Variants in SEMA5A observed in about 807,000 individuals in gnomAD.
SEMA5A encodes semaphorin-5A.
Under a neutral mutation model 135.5 loss-of-function variants are expected in SEMA5A, and 55 were observed. That is an observed-to-expected ratio of 0.41 (90% CI 0.33 to 0.51). The LOEUF (loss-of-function observed/expected upper bound fraction) is 0.51, where lower values mean the gene tolerates loss of function less well. SEMA5A is among the 20% of genes least tolerant of loss of function. SEMA5A has a pLI of 0.37. For synonymous variants in SEMA5A, 580 were observed against 546.5 expected (o/e 1.06, Z -0.85); for missense variants, 1,290 against 1,419.9 (o/e 0.91, Z 1.47).
chr5:9,280,176 G>C (rs948998413), intron 5 of SEMA5A, among the ~76,000 whole-genome samples: 3 of 152,170 alleles, frequency 2.0e-5, no homozygotes, highest in Non-Finnish European at 4.4e-5. Flanking sequence ...TACACTGACA[G>C]ATCCAGGATC....
chr5:9,513,068 A>AATATATATATATAAT (rs1554044106), intron 1 of SEMA5A, among the ~76,000 whole-genome samples: 1 of 143,722 alleles, frequency 7.0e-6, no homozygotes, highest in Non-Finnish European at 1.5e-5. Flanking sequence ...ATATATATAT[A>AATATATATATATAAT]ATATATATAT....
chr5:9,050,514 AT>A lies in SEMA5A; in HGVS notation c.2846-58del, dbSNP rs1165533187. 40 of 1,406,282 alleles carry A rather than the reference AT, an allele frequency of 2.8e-5. No individual in the cohort carries two copies. The East Asian group carries it at 9.4e-4, about 33-fold the overall frequency. 87.1% of individuals were successfully genotyped at this position (1,406,282 alleles called of 1,614,324 possible). On this transcript the variant is annotated intron_variant, in intron 20 of 22. Transcript: ENST00000382496. ...AAAAGGTGTTCAGAAGACAGTCCAC[AT>A]TCATGCTTCATGTATGTTTGTCTAA... is the stretch of plus-strand genomic sequence containing the variant.
intron 21 of SEMA5A, among the ~76,000 whole-genome samples, chr5:9,048,038 G>A (rs577285567): frequency 6.6e-6 from 1 of 152,148 alleles, no homozygotes; most frequent in African/African-American, 2.4e-5. Context: ...GGCATCAGCT[G>A]TTTGAGCCTC....
intron 2 of SEMA5A, among the ~76,000 whole-genome samples, chr5:9,414,849 G>C (rs1456219369): frequency 6.6e-6 from 1 of 152,166 alleles, no homozygotes; most frequent in African/African-American, 2.4e-5. Context: ...ATGGGACCAA[G>C]AGCCCGTTAC....
intron 4 of SEMA5A, among the ~76,000 whole-genome samples, chr5:9,324,489 C>G (rs1375405432): frequency 6.6e-6 from 1 of 152,182 alleles, no homozygotes; most frequent in Non-Finnish European, 1.5e-5. Context: ...AATCTCTTTC[C>G]TTGAACTATT....
rs4701838 is a variant in SEMA5A at position 9,244,664 on chromosome 5, C to T, written c.271-6774G>A. Among the ~76,000 whole-genome samples, 952 of 152,326 alleles carry T rather than the reference C, an allele frequency of 6.2e-3. 9 individuals are homozygous for T. Among genetic ancestry groups the T allele is most frequent in the Middle Eastern group, 0.014 (4 of 294 alleles). ...CCTAGGACAGTGCCACATACACAAG[C>T]ACTCAATATCTAGCTGTTAAACAAA... On this transcript the variant is annotated intron_variant, in intron 5 of 22. Transcript: ENST00000382496.
rs772498548 is a variant in SEMA5A, at chr5:9,066,555, C to G, written c.2165G>C (p.Gly722Ala). Residue 722 changes from glycine to alanine, a missense_variant, in exon 17 of 23, where the codon GGC (glycine) becomes GCC (alanine). Physicochemically the swap from Gly to Ala is moderately conservative, Grantham distance 60. Transcript: ENST00000382496. ...TCGGAATCGTTGCTCATAGTGGCCG[C>G]CGTTGTCAGAGATGTTGACAGGTGT... is the stretch of plus-strand genomic sequence containing the variant. ...PWTPVNISDN[G>A]GHYEQRFRYT... The G allele has an allele frequency of 6.2e-7, 1 of 1,614,176 alleles. No individual in the cohort carries two copies. The highest frequency in any genetic ancestry group is 1.7e-5 in the Admixed American group (1 of 60,020).
At chr5:9,522,683 G>T (rs563829102) in intron 1 of SEMA5A, 8 of 152,318 alleles carry the variant, frequency 5.3e-5, no homozygotes, top group African/African-American at 1.7e-4. Context: ...AACCTGGAAA[G>T]TTAAACCAAA....
intron 21 of SEMA5A, among the ~76,000 whole-genome samples, chr5:9,047,893 T>C: frequency 6.6e-6 from 1 of 152,194 alleles, no homozygotes; most frequent in South Asian, 2.1e-4. Context: ...AGGGTGGTGA[T>C]GGGCTTTGCA....
rs1473990647 is a variant in SEMA5A at position 9,265,525 on chromosome 5, G to C, written c.271-27635C>G. 8.8e-6 allele frequency: 4 copies of C among 456,218 alleles called. No individual in the cohort carries two copies. In the East Asian group the frequency reaches 2.1e-4, roughly 24 times the overall value. 28.3% of individuals were successfully genotyped at this position (456,218 alleles called of 1,614,324 possible). The stretch of plus-strand genomic sequence containing the variant: ...CCATGTGGCTTTGTGTGGTGTGTGC[G>C]GTCCTCCTGCTCCAGGCTGTGAGTA... On this transcript the variant is annotated intron_variant, in intron 5 of 22. Transcript: ENST00000382496.
chr5:9,117,474 G>A (rs569766796), intron 15 of SEMA5A, among the ~76,000 whole-genome samples: 1 of 152,142 alleles, frequency 6.6e-6, no homozygotes, highest in African/African-American at 2.4e-5. Flanking sequence ...GAGATATCTT[G>A]GGGATAGGAC....
At chr5:9,351,763 G>A (rs940295447) in intron 3 of SEMA5A, among the ~76,000 whole-genome samples, 8 of 152,088 alleles carry the variant, frequency 5.3e-5, no homozygotes, top group African/African-American at 1.7e-4. Context: ...CATATTCTTC[G>A]TCTATGGTGT....
At chr5:9,330,860 A>T (rs970467216) in intron 4 of SEMA5A, among the ~76,000 whole-genome samples, 1 of 152,188 alleles carries the variant, frequency 6.6e-6, no homozygotes, top group Non-Finnish European at 1.5e-5. Context: ...GTTCATAAAG[A>T]TTTGATTGGA....
At chr5:9,118,328 T>C (rs1740629663) in intron 15 of SEMA5A, among the ~76,000 whole-genome samples, 1 of 152,202 alleles carries the variant, frequency 6.6e-6, no homozygotes, top group Admixed American at 6.5e-5. Flanking sequence ...TTAAGACAGA[T>C]TCAATGATCT....
chr5:9,513,480 G>C (rs1040351841), intron 1 of SEMA5A, among the ~76,000 whole-genome samples: 2 of 152,126 alleles, frequency 1.3e-5, no homozygotes, highest in Admixed American at 6.6e-5. Context: ...CAACCACTTG[G>C]AACACATGTT....
chr5:9,424,815 C>A (rs1374019697), intron 2 of SEMA5A, among the ~76,000 whole-genome samples: 1 of 152,116 alleles, frequency 6.6e-6, no homozygotes, highest in African/African-American at 2.4e-5. Context: ...TCAAGCCCAT[C>A]CACTTTTCTC....
chr5:9,132,467 G>C (rs1741486980), intron 13 of SEMA5A, among the ~76,000 whole-genome samples: 1 of 152,186 alleles, frequency 6.6e-6, no homozygotes. Context: ...ACTTCTTCTA[G>C]GCGGGACACA....
intron 2 of SEMA5A, among the ~76,000 whole-genome samples, chr5:9,423,437 G>C (rs979629721): frequency 6.6e-6 from 1 of 152,126 alleles, no homozygotes; most frequent in Non-Finnish European, 1.5e-5. Context: ...TTTCACAAAG[G>C]CTTCCCTATG....
chr5:9,291,758 GTTCTT>G (rs1161101579), intron 5 of SEMA5A, among the ~76,000 whole-genome samples: 2 of 134,958 alleles, frequency 1.5e-5, no homozygotes, highest in African/African-American at 5.7e-5. Context: ...TCTCAGCCAA[GTTCTT>G]TTTTTTTTTT....
Sources: gnomAD v4.1 joint callset for allele counts (sites outside exome capture counted in the v4.1 genomes callset) on GRCh38, gnomAD v4.1.1 for gene constraint, MANE v1.5 for transcripts, NCBI Gene and HGNC (gene_info 2026-07-23, HGNC 2026-07-21) for gene names.